The following FAM167A variants were observed in gnomAD, a reference collection of about 807,000 sequenced individuals.
FAM167A encodes protein FAM167A.
Under a neutral mutation model 14.9 loss-of-function variants are expected in FAM167A, and 23 were observed. The observed-to-expected ratio is 1.55, with a 90% confidence interval of 1.11 to 2.19. The LOEUF (loss-of-function observed/expected upper bound fraction) is 2.19. Ranked by LOEUF, FAM167A falls within the 30% of genes most tolerant of loss-of-function variation. The pLI, the probability that FAM167A is intolerant of heterozygous loss-of-function variation, is 0.00. For synonymous variants in FAM167A, 174 were observed against 117.7 expected (o/e 1.48, Z -3.10); for missense variants, 401 against 281.5 (o/e 1.42, Z -3.04).
chr8:11,450,980 G>C (rs1246782824), intron 1 of FAM167A, among the ~76,000 whole-genome samples: 3 of 152,256 alleles, frequency 2.0e-5, no homozygotes, highest in Non-Finnish European at 2.9e-5. Flanking sequence ...GGGACAGTCT[G>C]ATGTGACAGA....
At chr8:11,435,970 T>C (rs1302029162) in intron 2 of FAM167A, among the ~76,000 whole-genome samples, 1 of 152,240 alleles carries the variant, frequency 6.6e-6, no homozygotes, top group Non-Finnish European at 1.5e-5. Flanking sequence ...ACTTCCCATG[T>C]GGCGCTTGCC....
intron 1 of FAM167A, among the ~76,000 whole-genome samples, chr8:11,473,219 A>T (rs930752187): frequency 4.6e-5 from 7 of 152,192 alleles, no homozygotes; most frequent in African/African-American, 1.7e-4. Flanking sequence ...TTTCATCTCC[A>T]TCGGCCAATC....
At chr8:11,440,827 G>C (rs1029629228) in intron 2 of FAM167A, among the ~76,000 whole-genome samples, 2 of 152,192 alleles carry the variant, frequency 1.3e-5, no homozygotes, top group African/African-American at 2.4e-5. Flanking sequence ...TGACAGAAAA[G>C]GTTATGCAAA....
At chr8:11,447,460 C>A (rs980712058) in intron 1 of FAM167A, among the ~76,000 whole-genome samples, 2 of 152,228 alleles carry the variant, frequency 1.3e-5, no homozygotes, top group African/African-American at 4.8e-5. Context: ...TCTGGTGGCA[C>A]GGGCATTAGC....
chr8:11,440,099 G>T (rs1410835358), intron 2 of FAM167A, among the ~76,000 whole-genome samples: 1 of 152,176 alleles, frequency 6.6e-6, no homozygotes, highest in East Asian at 1.9e-4. Context: ...GTGACCTTCT[G>T]GGGACCTGAG....
intron 2 of FAM167A, among the ~76,000 whole-genome samples, chr8:11,437,217 C>T (rs758349498): frequency 6.6e-6 from 1 of 152,188 alleles, no homozygotes; most frequent in Admixed American, 6.5e-5. Flanking sequence ...TCCTGCTCTG[C>T]TGATTGATCT....
Position 11,449,730 on chromosome 8 carries a change from G to A in FAM167A, c.-397-4922C>T, listed in dbSNP as rs556822667. On this transcript the variant is annotated intron_variant, in intron 1 of 2. Transcript: ENST00000284486. ...TTCTGCAGCTCTGTGTGCCAGTGCC[G>A]AGGACCCATGCCACACACAGAGACT... Among the ~76,000 whole-genome samples, 10 of 152,284 alleles carry A rather than the reference G, an allele frequency of 6.6e-5. No homozygotes were observed. In the East Asian group the frequency reaches 1.2e-3, roughly 18 times the overall value.
intron 2 of FAM167A, among the ~76,000 whole-genome samples, chr8:11,436,020 G>A (rs1805982698): frequency 6.6e-6 from 1 of 152,052 alleles, no homozygotes; most frequent in African/African-American, 2.4e-5. Context: ...AGCCTTTTTT[G>A]CTCCTCACAG....
At chr8:11,435,911 C>T (rs1351329711) in intron 2 of FAM167A, among the ~76,000 whole-genome samples, 1 of 152,248 alleles carries the variant, frequency 6.6e-6, no homozygotes, top group Non-Finnish European at 1.5e-5. Flanking sequence ...TCCACCATAT[C>T]CCGTCTTCAT....
chr8:11,465,163 C>G (rs1807708905), intron 1 of FAM167A, among the ~76,000 whole-genome samples: 3 of 152,156 alleles, frequency 2.0e-5, no homozygotes. Flanking sequence ...TTTCCTGGCT[C>G]CACAGGGTTC....
At chr8:11,429,497 G>C (rs555890671) in intron 2 of FAM167A, among the ~76,000 whole-genome samples, 1 of 152,212 alleles carries the variant, frequency 6.6e-6, no homozygotes, top group Non-Finnish European at 1.5e-5. Flanking sequence ...CACAGCCCCG[G>C]CTGCAGCCGC....
At chr8:11,461,400 G>A (rs1199723547) in intron 1 of FAM167A, among the ~76,000 whole-genome samples, 3 of 152,274 alleles carry the variant, frequency 2.0e-5, no homozygotes, top group Non-Finnish European at 2.9e-5. Flanking sequence ...CTGCCGCCCC[G>A]CCAACCGCCA....
At chr8:11,454,041 C>T (rs1020079181) in intron 1 of FAM167A, among the ~76,000 whole-genome samples, 3 of 152,222 alleles carry the variant, frequency 2.0e-5, no homozygotes, top group Non-Finnish European at 2.9e-5. Flanking sequence ...GCAGGTATAA[C>T]TGGGTTCTCC....
chr8:11,433,290 A>G (rs1472835147), intron 2 of FAM167A, among the ~76,000 whole-genome samples: 1 of 152,184 alleles, frequency 6.6e-6, no homozygotes, highest in Non-Finnish European at 1.5e-5. Context: ...GTTACCTTTA[A>G]CCTACCATGG....
intron 2 of FAM167A, chr8:11,434,161 AG>A (rs1213381857): frequency 6.6e-6 from 1 of 152,220 alleles, no homozygotes; most frequent in East Asian, 1.9e-4. Context: ...TGATTTCCAG[AG>A]GAAGGCTGGA....
At chr8:11,465,129 C>T (rs1807706719) in intron 1 of FAM167A, among the ~76,000 whole-genome samples, 1 of 152,192 alleles carries the variant, frequency 6.6e-6, no homozygotes, top group Non-Finnish European at 1.5e-5. Flanking sequence ...CACAGCCTTG[C>T]AAGCTCCTAA....
upstream of FAM167A, among the ~76,000 whole-genome samples, chr8:11,471,434 C>G (rs556521897): frequency 3.3e-5 from 5 of 152,190 alleles, no homozygotes; most frequent in Non-Finnish European, 7.4e-5. Flanking sequence ...TCTGCTGGCT[C>G]AAGGTGATGA....
chr8:11,422,371 GGGGT>G lies in FAM167A; in HGVS notation c.*1998_*2001del, dbSNP rs916739763. The G allele has an allele frequency of 3.3e-4, 28 of 84,832 alleles. No homozygotes were observed. Among genetic ancestry groups the G allele is most frequent in the Middle Eastern group, 5.2e-3 (1 of 192 alleles). The allele number at this position is 84,832 out of a possible 1,614,324, so 5.3% of individuals were successfully genotyped here. ...GTTCTCTGTCGTGTGTGTGTGTGTG[GGGGT>G]GTGTGTGTGTGTGTGTGTGTGTGTG... is the stretch of plus-strand genomic sequence containing the variant. On this transcript the variant is annotated 3_prime_UTR_variant, in exon 3 of 3. Coordinates refer to ENST00000284486, the MANE Select transcript of FAM167A (RefSeq NM_053279.3).
rs546672619 is a variant in FAM167A, at chr8:11,434,392, A to G, written c.381+9639T>C. Among the ~76,000 whole-genome samples the G allele has an allele frequency of 3.9e-5, 6 of 152,228 alleles. No individual in the cohort carries two copies. The South Asian group carries it at 1.2e-3, about 32-fold the overall frequency. On this transcript the variant is annotated intron_variant, in intron 2 of 2. Coordinates refer to ENST00000284486, the MANE Select transcript of FAM167A (RefSeq NM_053279.3). ...TGCAATGGCTCCTGTCACTGGGCTGACTTGCATGCAGGAAGGAGACAGCAA... is the reference window on the plus strand; with the variant it reads ...TGCAATGGCTCCTGTCACTGGGCTGGCTTGCATGCAGGAAGGAGACAGCAA...
Sources: allele counts gnomAD v4.1 joint callset (sites outside exome capture counted in the v4.1 genomes callset), GRCh38; gene constraint gnomAD v4.1.1; transcripts MANE v1.5; gene names NCBI Gene and HGNC (gene_info 2026-07-23, HGNC 2026-07-21).